Variants in UBE2L6 observed in about 807,000 individuals in gnomAD.
The protein encoded by UBE2L6 is ubiquitin conjugating enzyme E2 L6.
Under a neutral mutation model 13.6 loss-of-function variants are expected in UBE2L6, and 11 were observed. That is an observed-to-expected ratio of 0.81 (90% CI 0.51 to 1.34). The LOEUF (loss-of-function observed/expected upper bound fraction) is 1.34, where lower values mean the gene tolerates loss of function less well. Ranked by LOEUF, UBE2L6 falls within the 40% of genes most tolerant of loss-of-function variation. The pLI is 0.00. For missense variants in UBE2L6, 197 were observed against 199.5 expected (o/e 0.99, Z 0.07); for synonymous variants, 74 against 83.2 (o/e 0.89, Z 0.60).
chr11:57,563,193 G>A (rs914504474), intron 1 of UBE2L6, among the ~76,000 whole-genome samples: 3 of 151,902 alleles, frequency 2.0e-5, no homozygotes, highest in Non-Finnish European at 2.9e-5. Flanking sequence ...TTCCGGAGTC[G>A]AAAAATGCAA....
intron 2 of UBE2L6, among the ~76,000 whole-genome samples, chr11:57,554,969 T>C (rs1459589103): frequency 1.3e-5 from 2 of 152,144 alleles, no homozygotes; most frequent in Non-Finnish European, 2.9e-5. Context: ...TCTGAGATTA[T>C]GGAAGAAAAG....
chr11:57,556,442 G>A (rs1185367483), intron 2 of UBE2L6, among the ~76,000 whole-genome samples: 1 of 151,846 alleles, frequency 6.6e-6, no homozygotes, highest in Admixed American at 6.6e-5. Flanking sequence ...AAATTAGCCG[G>A]GTGTGGTGGT....
chr11:57,554,495 C>T lies in UBE2L6; in HGVS notation c.252G>A (p.Gln84=). 2 of 1,614,182 alleles carry T rather than the reference C, an allele frequency of 1.2e-6. No individual in the cohort carries two copies. Among genetic ancestry groups the T allele is most frequent in the Non-Finnish European group, 1.7e-6 (2 of 1,180,030 alleles). ...CACTGCTGATGATGGGCAGGCAAAT[C>T]TGTCCGTTCTCGTCCACGTTGGGGT... is the stretch of plus-strand genomic sequence containing the variant. The part of the protein sequence containing the change: ...IYHPNVDENG[Q]ICLPIISSEN... The change falls in exon 3 of 4, where the codon CAG becomes CAA. Residue 84 remains glutamine (Q), a synonymous_variant. Coordinates refer to ENST00000287156, the MANE Select transcript of UBE2L6 (RefSeq NM_004223.5).
chr11:57,564,101 G>A (rs555366079), intron 1 of UBE2L6, among the ~76,000 whole-genome samples: 3 of 152,204 alleles, frequency 2.0e-5, no homozygotes, highest in East Asian at 1.9e-4. Context: ...ACATGAGAAG[G>A]TTATAGAACA....
intron 1 of UBE2L6, among the ~76,000 whole-genome samples, chr11:57,565,361 T>G (rs1299378688): frequency 3.3e-5 from 3 of 90,426 alleles, no homozygotes; most frequent in Non-Finnish European, 7.4e-5. Flanking sequence ...TAGTTGTTTT[T>G]TTTTTTTTTT....
At chr11:57,567,558 G>C in intron 1 of UBE2L6, 27 bp downstream of exon 1, 1 of 1,605,278 alleles carries the variant, frequency 6.2e-7, no homozygotes, top group Non-Finnish European at 8.5e-7. Flanking sequence ...GGAGCCAAGA[G>C]AAAGGGGTCA....
Position 57,552,784 on chromosome 11 carries a change from T to C in UBE2L6, c.311-275A>G, listed in dbSNP as rs1050101886. Among the ~76,000 whole-genome samples the C allele has an allele frequency of 2.6e-5, 4 of 152,210 alleles. No individual in the cohort carries two copies. The South Asian group carries it at 6.2e-4, about 24-fold the overall frequency. ...CACTGAGATAAGTGAGGTTTCTGGG[T>C]CTTATCCCCATTTCAACAAAAACTG... On this transcript the variant is annotated intron_variant, in intron 3 of 3. Coordinates refer to ENST00000287156, the MANE Select transcript of UBE2L6 (RefSeq NM_004223.5).
intron 1 of UBE2L6, among the ~76,000 whole-genome samples, chr11:57,560,867 G>T (rs987291489): frequency 2.0e-5 from 3 of 151,762 alleles, no homozygotes; most frequent in Non-Finnish European, 4.4e-5. Flanking sequence ...TGATCCGCCC[G>T]CCTCAGCCTC....
At chr11:57,566,889 T>C in intron 1 of UBE2L6, 1 of 421,480 alleles carries the variant, frequency 2.4e-6, no homozygotes, top group Non-Finnish European at 4.8e-6. Context: ...TTATTTCAAA[T>C]TGTGTCCCTG....
intron 2 of UBE2L6, among the ~76,000 whole-genome samples, chr11:57,556,213 C>T (rs1191951661): frequency 6.6e-6 from 1 of 151,974 alleles, no homozygotes; most frequent in East Asian, 1.9e-4. Flanking sequence ...AGGTCAGGTG[C>T]GGTGCCTCAC....
chr11:57,563,354 G>T (rs1945061418), intron 1 of UBE2L6, among the ~76,000 whole-genome samples: 1 of 151,592 alleles, frequency 6.6e-6, no homozygotes, highest in Non-Finnish European at 1.5e-5. Flanking sequence ...GCTGGGCATG[G>T]TGGTGCAGGC....
intron 3 of UBE2L6, 139 bp downstream of exon 3, chr11:57,554,298 C>G: frequency 1.0e-6 from 1 of 987,566 alleles, no homozygotes; most frequent in Non-Finnish European, 1.5e-6. Context: ...TCCCTTCTAT[C>G]TCATAGTAAG....
At chr11:57,552,753 A>G (rs1279601688) in intron 3 of UBE2L6, among the ~76,000 whole-genome samples, 3 of 152,172 alleles carry the variant, frequency 2.0e-5, no homozygotes, top group Non-Finnish European at 4.4e-5. Flanking sequence ...TCCTCATCAC[A>G]GGGGCCACTG....
chr11:57,566,135 T>C (rs1242328343), intron 1 of UBE2L6, among the ~76,000 whole-genome samples: 1 of 152,216 alleles, frequency 6.6e-6, no homozygotes, highest in Non-Finnish European at 1.5e-5. Flanking sequence ...AGCCCAGGGC[T>C]GACCGGAGAA....
intron 1 of UBE2L6, 109 bp from the exon 2 acceptor site, chr11:57,560,541 G>T: frequency 1.3e-6 from 1 of 742,184 alleles, no homozygotes; most frequent in East Asian, 2.6e-5. Flanking sequence ...CCATCTTAGG[G>T]GCAGAAGCCG....
chr11:57,557,810 A>C (rs1419178242), intron 2 of UBE2L6, among the ~76,000 whole-genome samples: 1 of 152,206 alleles, frequency 6.6e-6, no homozygotes, highest in African/African-American at 2.4e-5. Flanking sequence ...CAGGGGTATC[A>C]GTGTGTCCTG....
At chr11:57,561,249 T>C (rs982887991) in intron 1 of UBE2L6, among the ~76,000 whole-genome samples, 6 of 152,058 alleles carry the variant, frequency 3.9e-5, no homozygotes, top group Non-Finnish European at 5.9e-5. Flanking sequence ...CGGAAGACCA[T>C]AGCAGAGAAG....
chr11:57,552,301 T>G lies in UBE2L6; in HGVS notation c.*57A>C. 14 of 1,603,074 alleles carry G rather than the reference T, an allele frequency of 8.7e-6. No individual in the cohort carries two copies. The highest frequency in any genetic ancestry group is 2.2e-5 in the South Asian group (2 of 89,820). On this transcript the variant is annotated 3_prime_UTR_variant, in exon 4 of 4. Transcript: ENST00000287156. ...CACAGGGGGCTCTGGCCTCAGTCCA[T>G]GAGGTGTGTCCGTCCGCTATGCCGA...
intron 1 of UBE2L6, among the ~76,000 whole-genome samples, chr11:57,561,907 T>C (rs886099588): frequency 6.6e-5 from 10 of 152,228 alleles, no homozygotes; most frequent in African/African-American, 9.6e-5. Context: ...CACATTTCTC[T>C]GGAACAATGA....
Sources: gnomAD v4.1 joint callset for allele counts (sites outside exome capture counted in the v4.1 genomes callset) on GRCh38, gnomAD v4.1.1 for gene constraint, MANE v1.5 for transcripts, NCBI Gene and HGNC (gene_info 2026-07-23, HGNC 2026-07-21) for gene names.